Variants in MACROD1 observed in about 807,000 individuals in gnomAD.
MACROD1 encodes the protein mono-ADP ribosylhydrolase 1, also known as ADP-ribose glycohydrolase MACROD1.
A neutral mutation model predicts 41.4 loss-of-function variants in MACROD1; 31 were observed. The observed-to-expected ratio is 0.75, with a 90% CI of 0.56 to 1.01. The LOEUF is 1.01. Ranked by LOEUF, MACROD1 falls within the 50% of genes least tolerant of loss-of-function variation. MACROD1 has a pLI of 0.00. For missense variants in MACROD1, 473 were observed against 460.0 expected (o/e 1.03, Z -0.26); for synonymous variants, 252 against 203.4 (o/e 1.24, Z -2.03).
At chr11:64,017,282 T>C (rs1378432141) in intron 3 of MACROD1, among the ~76,000 whole-genome samples, 1 of 152,198 alleles carries the variant, frequency 6.6e-6, no homozygotes, top group Non-Finnish European at 1.5e-5. Flanking sequence ...TGAATGTACA[T>C]TTCTGCTGAC....
Position 64,082,500 on chromosome 11 carries a change from G to T in MACROD1, c.518-67219C>A, listed in dbSNP as rs1461526307. On this transcript the variant is annotated intron_variant, in intron 3 of 10. Coordinates refer to ENST00000255681, the MANE Select transcript of MACROD1 (RefSeq NM_014067.4). This position sits in a 1 kb window ranked among gnomAD's most constrained non-coding sequence, Gnocchi z 4.5. ...GGCTGGGGCCAAGAGCTGGTCCCAGGGGGTGAAACAAGGCTCGGTGCCTAA... is the reference window on the plus strand; with the variant it reads ...GGCTGGGGCCAAGAGCTGGTCCCAGTGGGTGAAACAAGGCTCGGTGCCTAA... Among the ~76,000 whole-genome samples the T allele has an allele frequency of 6.6e-6, 1 of 152,076 alleles. No homozygotes were observed. Among genetic ancestry groups the T allele is most frequent in the African/African-American group, 2.4e-5 (1 of 41,414 alleles).
intron 3 of MACROD1, among the ~76,000 whole-genome samples, chr11:64,072,779 G>C (rs1334433047): frequency 1.3e-5 from 2 of 152,238 alleles, no homozygotes; most frequent in East Asian, 3.8e-4. Context: ...GTTGATCTCT[G>C]TCTTGCTTTG....
rs996232957 is a variant in MACROD1, at chr11:64,031,533, A to C, written c.518-16252T>G. On this transcript the variant is annotated intron_variant, in intron 3 of 10. Coordinates refer to ENST00000255681, the MANE Select transcript of MACROD1 (RefSeq NM_014067.4). ...CACTCTGTCGCCCAGGCTGGAGTGC[A>C]GTGGCACAATCTCTGTTCACTGGCA... 4.4e-5 allele frequency among the ~76,000 whole-genome samples: 6 copies of C among 134,938 alleles called. No homozygotes were observed. In the East Asian group the frequency reaches 1.3e-3, roughly 29 times the overall value. The allele number at this position is 134,938 out of a possible 152,430, so 88.5% of individuals were successfully genotyped here.
intron 3 of MACROD1, among the ~76,000 whole-genome samples, chr11:64,119,710 A>T (rs1196361462): frequency 6.6e-6 from 1 of 152,134 alleles, no homozygotes; most frequent in African/African-American, 2.4e-5. Flanking sequence ...CTTTCTAAAA[A>T]TGCCAGCCTC....
intron 1 of MACROD1, among the ~76,000 whole-genome samples, chr11:64,155,566 G>A (rs1041272322): frequency 9.9e-5 from 15 of 152,204 alleles, no homozygotes; most frequent in African/African-American, 2.7e-4. Flanking sequence ...TGCAAAGTGC[G>A]GTCTACACGC....
At chr11:64,059,582 G>A (rs1197261422) in intron 3 of MACROD1, among the ~76,000 whole-genome samples, 1 of 152,190 alleles carries the variant, frequency 6.6e-6, no homozygotes, top group Non-Finnish European at 1.5e-5. Context: ...CTCAGAGGCT[G>A]GAAGGTGTGT....
intron 3 of MACROD1, among the ~76,000 whole-genome samples, chr11:64,023,820 A>G (rs1356201205): frequency 6.6e-6 from 1 of 152,128 alleles, no homozygotes; most frequent in Non-Finnish European, 1.5e-5. Context: ...TTCCTGGTCT[A>G]ATCGAGGCAT....
chr11:64,140,432 G>A (rs920276069), intron 3 of MACROD1, among the ~76,000 whole-genome samples: 4 of 152,246 alleles, frequency 2.6e-5, no homozygotes, highest in East Asian at 3.9e-4. Context: ...CAGGTGACTC[G>A]ATTCCCTACC....
intron 3 of MACROD1, among the ~76,000 whole-genome samples, chr11:64,045,671 A>G (rs1368682427): frequency 1.3e-5 from 2 of 152,198 alleles, no homozygotes; most frequent in Non-Finnish European, 2.9e-5. Flanking sequence ...TCTCAAAGGC[A>G]GGCGCACATC....
intron 3 of MACROD1, chr11:64,138,525 G>A: frequency 3.0e-6 from 3 of 985,444 alleles, no homozygotes; most frequent in Non-Finnish European, 3.6e-6. Flanking sequence ...TGTGGCGTTT[G>A]ATGATGTTTA....
intron 3 of MACROD1, among the ~76,000 whole-genome samples, chr11:64,114,309 T>C (rs774310810): frequency 7.2e-5 from 10 of 138,192 alleles, no homozygotes; most frequent in Non-Finnish European, 1.6e-4. Context: ...GATTGATACA[T>C]GGATGACGGA....
chr11:64,024,648 C>T (rs767276923), intron 3 of MACROD1, among the ~76,000 whole-genome samples: 1 of 152,206 alleles, frequency 6.6e-6, no homozygotes, highest in Non-Finnish European at 1.5e-5. Flanking sequence ...CCCAGCCAGC[C>T]GGGCAGTCTC....
chr11:64,154,642 C>T (rs1292155769), intron 1 of MACROD1, among the ~76,000 whole-genome samples: 2 of 152,234 alleles, frequency 1.3e-5, no homozygotes, highest in African/African-American at 4.8e-5. Context: ...CCCCAAACAG[C>T]CAGGCTGCTT....
Position 64,036,030 on chromosome 11 carries a change from G to C in MACROD1, c.518-20749C>G, listed in dbSNP as rs1204199963. 6.6e-6 allele frequency: 1 copy of C among 151,172 alleles called. No individual in the cohort carries two copies. The highest frequency in any genetic ancestry group is 2.1e-4 in the South Asian group (1 of 4,860). 9.4% of individuals were successfully genotyped at this position (151,172 alleles called of 1,614,324 possible). A position where few individuals can be genotyped will look rare whatever the true frequency, so the allele number is the denominator to read the frequency against. On this transcript the variant is annotated intron_variant, in intron 3 of 10. Transcript: ENST00000255681. The surrounding 1 kb of genome is among the most constrained non-coding windows in gnomAD (Gnocchi z 5.6). Reference sequence around the variant, plus strand: ...CCACCGTGCTCTGCCGCGCGCCGGGGGCTCCTCTCCCGGGCCCCCCTGGGC... The same window carrying C: ...CCACCGTGCTCTGCCGCGCGCCGGGCGCTCCTCTCCCGGGCCCCCCTGGGC...
At chr11:64,117,804 A>G (rs1306538096) in intron 3 of MACROD1, 2 of 1,614,196 alleles carry the variant, frequency 1.2e-6, no homozygotes, top group East Asian at 2.2e-5. Context: ...CATGGAGACC[A>G]GCAATGCCTA....
intron 2 of MACROD1, 138 bp from the exon 3 acceptor site, chr11:64,151,493 C>G: frequency 1.6e-6 from 1 of 643,364 alleles, no homozygotes; most frequent in East Asian, 2.7e-5. Context: ...TGACTGCTGA[C>G]CCAGTACCAG....
chr11:64,133,001 C>T (rs1481327495), intron 3 of MACROD1, among the ~76,000 whole-genome samples: 2 of 152,160 alleles, frequency 1.3e-5, no homozygotes, highest in Non-Finnish European at 2.9e-5. Flanking sequence ...CCCATGAGGC[C>T]TCATGAAGAG....
intron 5 of MACROD1, chr11:63,999,982 G>A (rs1942792056): frequency 1.5e-6 from 1 of 660,744 alleles, no homozygotes; most frequent in Non-Finnish European, 2.5e-6. Context: ...GGGCCCGGCT[G>A]AGACCCGAGC....
intron 3 of MACROD1, among the ~76,000 whole-genome samples, chr11:64,151,020 T>C (rs539750579): frequency 6.6e-6 from 1 of 152,234 alleles, no homozygotes; most frequent in East Asian, 1.9e-4. Context: ...CTAATGGGTC[T>C]CAGTGGAGCA....
Sources: allele counts gnomAD v4.1 joint callset (sites outside exome capture counted in the v4.1 genomes callset), GRCh38; gene constraint gnomAD v4.1.1; non-coding constraint Gnocchi (gnomAD v3.1); transcripts MANE v1.5; gene names NCBI Gene and HGNC (gene_info 2026-07-23, HGNC 2026-07-21).